Variants in VPS13B observed in about 807,000 individuals in gnomAD.
VPS13B encodes intermembrane lipid transfer protein VPS13B.
A neutral mutation model predicts 426.4 loss-of-function variants in VPS13B; 285 were observed. The observed-to-expected ratio is 0.67, with a 90% confidence interval of 0.61 to 0.74. VPS13B has a LOEUF of 0.74. VPS13B is among the 30% of genes least tolerant of loss of function. The pLI, the probability that VPS13B is intolerant of heterozygous loss-of-function variation, is 0.00. For missense variants in VPS13B, 4,537 were observed against 4,782.6 expected (o/e 0.95, Z 1.51); for synonymous variants, 1,676 against 1,676.4 (o/e 1.00, Z 0.01).
chr8:99,868,771 T>G (rs1817237621), intron 59 of VPS13B, among the ~76,000 whole-genome samples: 2 of 152,148 alleles, frequency 1.3e-5, no homozygotes, highest in African/African-American at 4.8e-5. Context: ...AGAAAAGAAT[T>G]AAGACTTTTT....
chr8:99,360,136 T>A (rs1812428223), intron 19 of VPS13B, among the ~76,000 whole-genome samples: 4 of 25,616 alleles, frequency 1.6e-4, no homozygotes, highest in Non-Finnish European at 2.1e-4. Flanking sequence ...CTTTCTTTCT[T>A]TCTTTCTTTC....
chr8:99,129,870 G>A (rs1563557635), intron 8 of VPS13B, among the ~76,000 whole-genome samples: 1 of 152,038 alleles, frequency 6.6e-6, no homozygotes, highest in Admixed American at 6.6e-5. Flanking sequence ...AAAAAAAATA[G>A]CCAGGTGTGG....
intron 8 of VPS13B, among the ~76,000 whole-genome samples, chr8:99,122,992 A>G (rs983186813): frequency 6.6e-6 from 1 of 151,802 alleles, no homozygotes; most frequent in African/African-American, 2.4e-5. Context: ...GTGGTGACGC[A>G]TGCCTGTAAT....
chr8:99,469,168 C>CT (rs35646881), intron 24 of VPS13B, among the ~76,000 whole-genome samples: 4,752 of 127,738 alleles, frequency 0.037, 143 homozygotes, highest in Middle Eastern at 0.073. Context: ...TCTTTCTTTC[C>CT]TTTTTTTTTT....
chr8:99,715,631 A>G (rs549844092), intron 36 of VPS13B, among the ~76,000 whole-genome samples: 28 of 152,320 alleles, frequency 1.8e-4, no homozygotes, highest in East Asian at 5.8e-4. Context: ...CAATATGACT[A>G]TCACACTAAG....
chr8:99,655,368 A>G (rs1286312509), intron 34 of VPS13B, among the ~76,000 whole-genome samples: 1 of 152,232 alleles, frequency 6.6e-6, no homozygotes, highest in African/African-American at 2.4e-5. Context: ...AATATCTATT[A>G]TAAAAGGGAC....
At chr8:99,040,094 A>G (rs954246389) in intron 3 of VPS13B, among the ~76,000 whole-genome samples, 1 of 151,568 alleles carries the variant, frequency 6.6e-6, no homozygotes, top group Admixed American at 6.6e-5. Context: ...TTAAAAGAGA[A>G]AAAAAAAATC....
intron 2 of VPS13B, among the ~76,000 whole-genome samples, chr8:99,033,895 C>CAA (rs896043803): frequency 6.8e-6 from 1 of 146,162 alleles, no homozygotes; most frequent in Non-Finnish European, 1.5e-5. Context: ...GACTCCATCT[C>CAA]AAAAAAAAAA....
intron 23 of VPS13B, among the ~76,000 whole-genome samples, chr8:99,465,105 G>A (rs1427566687): frequency 1.3e-5 from 2 of 152,120 alleles, no homozygotes; most frequent in Non-Finnish European, 2.9e-5. Flanking sequence ...TTGATAGAAA[G>A]CTATATGAAG....
chr8:99,373,528 G>A (rs1813308857), intron 19 of VPS13B, among the ~76,000 whole-genome samples: 1 of 152,054 alleles, frequency 6.6e-6, no homozygotes, highest in Non-Finnish European at 1.5e-5. Flanking sequence ...TGAGAAATAA[G>A]ACACATAAGT....
In VPS13B at chr8:99,024,946, T is replaced by A. The variant is rs143826342; in HGVS notation, c.147+11011T>A. Among the ~76,000 whole-genome samples the A allele has an allele frequency of 3.3e-5, 5 of 152,312 alleles. No individual in the cohort carries two copies. The East Asian group carries it at 9.6e-4, about 29-fold the overall frequency. On this transcript the variant is annotated intron_variant, in intron 2 of 61. Transcript: ENST00000357162. ...ATGAGATGTCTTTCTAATTTCTTTG[T>A]GTCTTCCTCAATTTCTTTCACCAGT...
intron 31 of VPS13B, among the ~76,000 whole-genome samples, chr8:99,558,201 A>G (rs925447960): frequency 7.9e-5 from 12 of 152,120 alleles, no homozygotes; most frequent in Middle Eastern, 6.3e-3. Flanking sequence ...CTACCAGGTA[A>G]TAACTGTTAT....
intron 39 of VPS13B, among the ~76,000 whole-genome samples, chr8:99,764,386 TTGTGTTAATATAGA>T (rs1440815292): frequency 6.6e-6 from 1 of 151,922 alleles, no homozygotes; most frequent in Non-Finnish European, 1.5e-5. Context: ...AGATGTCTTT[TTGTGTTAATATAGA>T]GAGAGATTCT....
intron 21 of VPS13B, among the ~76,000 whole-genome samples, chr8:99,428,040 A>G (rs1258716832): frequency 6.6e-6 from 1 of 152,004 alleles, no homozygotes; most frequent in Non-Finnish European, 1.5e-5. Flanking sequence ...ATGGGGAAAC[A>G]ATTCCCCATT....
At chr8:99,306,083 T>C (rs776799033) in intron 19 of VPS13B, among the ~76,000 whole-genome samples, 5 of 152,152 alleles carry the variant, frequency 3.3e-5, no homozygotes, top group African/African-American at 4.8e-5. Flanking sequence ...GTAATAAATG[T>C]GAAGTGGATT....
At chr8:99,408,435 C>CAG (rs1250815566) in intron 21 of VPS13B, among the ~76,000 whole-genome samples, 3 of 152,094 alleles carry the variant, frequency 2.0e-5, no homozygotes, top group Non-Finnish European at 4.4e-5. Context: ...TATGGTGTAA[C>CAG]AGAGAAGGGT....
rs1816508544 is a variant in VPS13B at position 99,234,116 on chromosome 8, T to A, written c.2516-40082T>A. ...GGGCGTGACCTTGCTCCCGGAAGAG[T>A]GGTCCCCACCCTGGGCTCGCTGAGG... is the stretch of plus-strand genomic sequence containing the variant. On this transcript the variant is annotated intron_variant, in intron 17 of 61. Coordinates refer to ENST00000357162, the MANE Select transcript of VPS13B (RefSeq NM_152564.5). 4 of 783,676 alleles carry A rather than the reference T, an allele frequency of 5.1e-6. No individual in the cohort carries two copies. The East Asian group carries it at 9.7e-5, about 19-fold the overall frequency. 48.5% of individuals were successfully genotyped at this position (783,676 alleles called of 1,614,324 possible). A position where few individuals can be genotyped will look rare whatever the true frequency, so the allele number is the denominator to read the frequency against.
At chr8:99,638,709 GC>G (rs1006724970) in intron 33 of VPS13B, among the ~76,000 whole-genome samples, 4 of 152,136 alleles carry the variant, frequency 2.6e-5, no homozygotes, top group Admixed American at 2.6e-4. Context: ...AGTATGATCA[GC>G]CCACAAGGTA....
intron 19 of VPS13B, among the ~76,000 whole-genome samples, chr8:99,284,896 C>G (rs1405542236): frequency 6.6e-6 from 1 of 152,160 alleles, no homozygotes; most frequent in Non-Finnish European, 1.5e-5. Flanking sequence ...TGGAGATACT[C>G]TTATCTGCTT....
Sources: gnomAD v4.1 joint callset for allele counts (sites outside exome capture counted in the v4.1 genomes callset) on GRCh38, gnomAD v4.1.1 for gene constraint, MANE v1.5 for transcripts, NCBI Gene and HGNC (gene_info 2026-07-23, HGNC 2026-07-21) for gene names.